Variants in PTPRB observed in about 807,000 individuals in gnomAD.
The protein encoded by PTPRB is protein tyrosine phosphatase receptor type B, also known as receptor-type tyrosine-protein phosphatase beta.
Under a neutral mutation model 238.1 loss-of-function variants are expected in PTPRB, and 97 were observed. That is an observed-to-expected ratio of 0.41 (90% confidence interval 0.35 to 0.48). The LOEUF (loss-of-function observed/expected upper bound fraction) is 0.48. Ranked by LOEUF, PTPRB falls within the 20% of genes least tolerant of loss-of-function variation. The probability of loss-of-function intolerance (pLI) is 0.30; values close to 1 mark genes in which losing one functional copy is unlikely to be tolerated. For synonymous variants in PTPRB, 970 were observed against 995.4 expected, an observed-to-expected ratio of 0.97 and a Z score of 0.48; for missense variants, 2,292 against 2,681.9, an observed-to-expected ratio of 0.85 and a Z score of 3.21.
chr12:70,622,458 T>C lies in PTPRB; in HGVS notation c.640A>G (p.Met214Val), dbSNP rs997970526. 2.5e-6 allele frequency: 4 copies of C among 1,613,414 alleles called. No individual in the cohort carries two copies. Among genetic ancestry groups the C allele is most frequent in the Non-Finnish European group, 1.7e-6 (2 of 1,179,670 alleles). ...CATGATGTGTCTGTAATTCCAGTCA[T>C]GTGCAGATTGGGATGCTGCCTCTCG... ...SSERQHPNLHMTGITDTSWVL... is the reference protein window; with the variant it reads ...SSERQHPNLHVTGITDTSWVL... Residue 214 changes from methionine to valine, a missense_variant, in exon 3 of 34, where the codon ATG becomes GTG. Around this residue, in one of 4 missense-constraint regions of PTPRB, gnomAD observed 1,205 missense variants for 1,287.8 expected, o/e 0.94. Transcript: ENST00000334414.
At chr12:70,587,301 G>C (rs777220701) in intron 8 of PTPRB, 34 bp from the exon 9 acceptor site, 1 of 1,607,996 alleles carries the variant, frequency 6.2e-7, no homozygotes, top group Non-Finnish European at 8.5e-7. Flanking sequence ...GGTCATTGAT[G>C]GACTGAGGCA....
At chr12:70,570,011 A>G in intron 13 of PTPRB, 73 bp from the exon 14 acceptor site, 1 of 1,386,224 alleles carries the variant, frequency 7.2e-7, no homozygotes, top group South Asian at 1.3e-5. Flanking sequence ...AAAGTTTTGA[A>G]TGCTTCTGAT....
rs868312136 is a variant in PTPRB at position 70,609,196 on chromosome 12, C to A, written c.852G>T (p.Ala284=). ...TGTCTATCCGAAAGGTAGGGCACAA[C>A]GCGGCCCCCAGGGTGTCACTGCTAT... The part of the protein sequence containing the change: ...LIYSSDTLGA[A]LCPTFRIDNT... Residue 284 remains alanine, a synonymous_variant, in exon 4 of 34, where the codon GCG becomes GCT. Transcript: ENST00000334414. 3.1e-6 allele frequency: 5 copies of A among 1,614,064 alleles called. No homozygotes were observed. The highest frequency in any genetic ancestry group is 3.3e-4 in the Middle Eastern group (2 of 6,062).
In PTPRB at chr12:70,562,986, C is replaced by T; in HGVS notation, c.4026G>A (p.Gly1342=). ...WYNIFLYNPD[G]NLQERAQVDP... The stretch of plus-strand genomic sequence containing the variant: ...CAACTTGAGCTCTCTCCTGGAGATT[C>T]CCATCTGGGTTGTACAAAAAGATGT... The change falls in exon 16 of 34, where the codon GGG becomes GGA. Residue 1342 remains glycine (G), a synonymous_variant. Coordinates refer to ENST00000334414, the MANE Select transcript of PTPRB (RefSeq NM_001109754.4). The T allele has an allele frequency of 1.9e-6, 3 of 1,614,010 alleles. No homozygotes were observed. The highest frequency in any genetic ancestry group is 4.5e-5 in the East Asian group (2 of 44,876).
intron 11 of PTPRB, 40 bp downstream of exon 11, chr12:70,576,342 A>G: frequency 6.3e-7 from 1 of 1,594,498 alleles, no homozygotes; most frequent in Non-Finnish European, 8.5e-7. Flanking sequence ...CCACATGTGA[A>G]TTGGTTCTTA....
intron 5 of PTPRB, among the ~76,000 whole-genome samples, chr12:70,594,926 A>G (rs971208447): frequency 6.6e-6 from 1 of 152,228 alleles, no homozygotes; most frequent in African/African-American, 2.4e-5. Context: ...CTCAAGTTAC[A>G]TCATAATTTA....
At position 70,582,995 on chromosome 12, in the gene PTPRB, T is replaced by C. The variant is rs190265139; in HGVS notation, c.2312-1693A>G. Among the ~76,000 whole-genome samples, 403 of 152,290 alleles carry C rather than the reference T, an allele frequency of 2.6e-3. 2 individuals carry two copies. The highest frequency in any genetic ancestry group is 4.2e-3 in the Non-Finnish European group (284 of 67,980). ...CAAATTAAAACCACATGAGCTATCA[T>C]TATCTTATTATAATGGCTATTCCAT... On this transcript the variant is annotated intron_variant, in intron 9 of 33. Transcript: ENST00000334414.
intron 32 of PTPRB, among the ~76,000 whole-genome samples, chr12:70,531,639 T>C (rs1873261209): frequency 1.3e-5 from 2 of 152,178 alleles, no homozygotes; most frequent in Non-Finnish European, 2.9e-5. Context: ...GATAACATGT[T>C]CAAAAATGCC....
At chr12:70,548,600 A>G (rs1202532990) in intron 21 of PTPRB, among the ~76,000 whole-genome samples, 1 of 152,202 alleles carries the variant, frequency 6.6e-6, no homozygotes, top group African/African-American at 2.4e-5. Context: ...GAATGCAGAT[A>G]AAAAGGACCT....
intron 4 of PTPRB, among the ~76,000 whole-genome samples, chr12:70,607,609 CA>C (rs1884063524): frequency 6.7e-6 from 1 of 149,228 alleles, no homozygotes. Context: ...TGCAGTGGCA[CA>C]ATCTGGCTTC....
chr12:70,609,055 C>T lies in PTPRB; in HGVS notation c.979+14G>A, dbSNP rs1884202179. On this transcript the variant is annotated intron_variant, in intron 4 of 33. Coordinates refer to ENST00000334414, the MANE Select transcript of PTPRB (RefSeq NM_001109754.4). ...GTGTGGCTTGGCCATCCAATTGCACCTGTCATCCTTTACCTGTTTGCAAGA... is the reference window on the plus strand; with the variant it reads ...GTGTGGCTTGGCCATCCAATTGCACTTGTCATCCTTTACCTGTTTGCAAGA... The T allele has an allele frequency of 6.2e-7, 1 of 1,613,152 alleles. No homozygotes were observed. Among genetic ancestry groups the T allele is most frequent in the East Asian group, 2.2e-5 (1 of 44,870 alleles).
intron 1 of PTPRB, among the ~76,000 whole-genome samples, chr12:70,637,137 G>A (rs952554225): frequency 2.0e-5 from 3 of 152,192 alleles, no homozygotes; most frequent in Middle Eastern, 3.2e-3. Flanking sequence ...TGGAGGATGA[G>A]AGGAGAGCAT....
intron 3 of PTPRB, among the ~76,000 whole-genome samples, chr12:70,609,590 G>C (rs1884261103): frequency 1.3e-5 from 2 of 152,204 alleles, no homozygotes; most frequent in Non-Finnish European, 2.9e-5. Context: ...TGGATAAGCT[G>C]TCATTCTGGG....
At chr12:70,617,216 G>A (rs979662604) in intron 3 of PTPRB, among the ~76,000 whole-genome samples, 27 of 152,282 alleles carry the variant, frequency 1.8e-4, no homozygotes, top group Admixed American at 5.9e-4. Flanking sequence ...AGGCTGGTGG[G>A]GTCCAGTGAA....
At chr12:70,524,367 A>T in intron 33 of PTPRB, 104 bp downstream of exon 33, 1 of 1,258,228 alleles carries the variant, frequency 7.9e-7, no homozygotes, top group Non-Finnish European at 1.1e-6. Flanking sequence ...CTCCTGCCTC[A>T]GCCTCCCAAA....
At chr12:70,629,519 C>T (rs1219256725) in intron 2 of PTPRB, among the ~76,000 whole-genome samples, 3 of 152,156 alleles carry the variant, frequency 2.0e-5, no homozygotes, top group Admixed American at 6.5e-5. Context: ...GACAACCTAA[C>T]ATCACAATTA....
chr12:70,521,571 T>C, intron 33 of PTPRB, 60 bp from the exon 34 acceptor site: 2 of 1,393,858 alleles, frequency 1.4e-6, no homozygotes, highest in Non-Finnish European at 1.9e-6. Context: ...TTGTTTACGC[T>C]GTTTATGAAA....
intron 2 of PTPRB, among the ~76,000 whole-genome samples, chr12:70,625,311 A>T (rs1885122994): frequency 1.3e-5 from 2 of 152,208 alleles, no homozygotes; most frequent in Non-Finnish European, 1.5e-5. Flanking sequence ...TTGTTAGAAT[A>T]TTGAAGCCTT....
At chr12:70,521,659 A>C (rs972738771) in intron 33 of PTPRB, 148 bp from the exon 34 acceptor site, 13 of 586,272 alleles carry the variant, frequency 2.2e-5, no homozygotes, top group African/African-American at 1.5e-4. Context: ...GGGACCAGGT[A>C]ATTCCATTTA....
Sources: allele counts gnomAD v4.1 joint callset (sites outside exome capture counted in the v4.1 genomes callset), GRCh38; gene constraint gnomAD v4.1.1; regional missense constraint gnomAD v4.1.1; transcripts MANE v1.5; gene names NCBI Gene and HGNC (gene_info 2026-07-23, HGNC 2026-07-21).